Variants in ZNF569 observed in about 807,000 individuals in gnomAD.
ZNF569 encodes DNA-binding protein.
ZNF569 carries 38 observed loss-of-function variants against 56.3 expected under a neutral mutation model. The observed-to-expected ratio is 0.68, with a 90% CI of 0.52 to 0.88. The LOEUF (loss-of-function observed/expected upper bound fraction) is 0.88. Among genes scored for constraint, ZNF569 ranks in the 40% least tolerant of loss-of-function variants. ZNF569 has a pLI of 0.00. For missense variants in ZNF569, 666 were observed against 809.2 expected, an observed-to-expected ratio of 0.82 and a Z score of 2.15; for synonymous variants, 241 against 262.9, an observed-to-expected ratio of 0.92 and a Z score of 0.81.
chr19:37,446,853 A>C (rs937085864), intron 2 of ZNF569, among the ~76,000 whole-genome samples: 2 of 152,210 alleles, frequency 1.3e-5, no homozygotes, highest in Admixed American at 6.5e-5. Flanking sequence ...TTCACAATCT[A>C]TACATCCAAA....
At chr19:37,450,127 GTC>G (rs1381074585) in intron 2 of ZNF569, among the ~76,000 whole-genome samples, 1 of 152,186 alleles carries the variant, frequency 6.6e-6, no homozygotes, top group Non-Finnish European at 1.5e-5. Context: ...GTTTTCTTGT[GTC>G]TCTGTCTTGC....
intron 2 of ZNF569, among the ~76,000 whole-genome samples, chr19:37,456,544 C>CT (rs1356522829): frequency 6.6e-6 from 1 of 152,148 alleles, no homozygotes; most frequent in African/African-American, 2.4e-5. Context: ...ATTAAGAAAA[C>CT]TTTTTCTTTA....
At chr19:37,446,247 T>C (rs1293820453) in intron 2 of ZNF569, among the ~76,000 whole-genome samples, 1 of 152,010 alleles carries the variant, frequency 6.6e-6, no homozygotes, top group African/African-American at 2.4e-5. Context: ...TGGCAAGCCA[T>C]ATGTAGAAGA....
intron 2 of ZNF569, among the ~76,000 whole-genome samples, chr19:37,460,425 G>A (rs916122105): frequency 4.6e-5 from 7 of 151,980 alleles, no homozygotes; most frequent in Non-Finnish European, 1.0e-4. Context: ...TTACACGCAT[G>A]AGCCACCACG....
At chr19:37,418,308 C>T (rs966859706) in intron 5 of ZNF569, among the ~76,000 whole-genome samples, 3 of 151,558 alleles carry the variant, frequency 2.0e-5, no homozygotes, top group Non-Finnish European at 4.4e-5. Flanking sequence ...TGTATAGGGG[C>T]AAATATAGTG....
chr19:37,457,005 A>G (rs1968251), intron 2 of ZNF569, among the ~76,000 whole-genome samples: 97,340 of 150,306 alleles, frequency 0.65, 33,454 homozygotes, highest in African/African-American at 0.89. Context: ...CACAAAACTC[A>G]AACTACAAAA....
chr19:37,418,137 A>AATAAT (rs2040968361), intron 5 of ZNF569, among the ~76,000 whole-genome samples: 1 of 134,716 alleles, frequency 7.4e-6, no homozygotes, highest in African/African-American at 3.2e-5. Flanking sequence ...ATAATAATAA[A>AATAAT]ATAAAGTTCT....
intron 3 of ZNF569, among the ~76,000 whole-genome samples, chr19:37,428,058 T>C (rs2041164277): frequency 6.6e-6 from 1 of 152,016 alleles, no homozygotes; most frequent in African/African-American, 2.4e-5. Context: ...TACAAGAAAA[T>C]CCTAATTGCC....
chr19:37,451,046 TATGGAGAAATGTCC>T (rs1345114498), intron 2 of ZNF569, among the ~76,000 whole-genome samples: 1 of 152,200 alleles, frequency 6.6e-6, no homozygotes, highest in Non-Finnish European at 1.5e-5. Flanking sequence ...TATGATGCAT[TATGGAGAAATGTCC>T]ATGTGTACTG....
In ZNF569 at chr19:37,413,014, CT is replaced by C; in HGVS notation, c.1643del (p.Lys548SerfsTer22). On this transcript the variant is annotated frameshift_variant, in exon 6 of 6. Coordinates refer to ENST00000316950, the MANE Select transcript of ZNF569 (RefSeq NM_152484.3). LOFTEE classifies it high-confidence loss of function. ...TLHLRSHTGE[K>X]PYECDKCGKA... Reference sequence around the variant, plus strand: ...TACCACATTTATCACATTCATAAGGCTTTTCCCCTGTATGACTTCTCAAATG... The same window carrying C: ...TACCACATTTATCACATTCATAAGGCTTTCCCCTGTATGACTTCTCAAATG... 2 of 1,613,458 alleles carry C rather than the reference CT, an allele frequency of 1.2e-6. No individual in the cohort carries two copies. Among genetic ancestry groups the C allele is most frequent in the Non-Finnish European group, 1.7e-6 (2 of 1,179,794 alleles).
At chr19:37,455,148 C>T (rs560523701) in intron 2 of ZNF569, 2 of 354,238 alleles carry the variant, frequency 5.6e-6, no homozygotes, top group African/African-American at 4.2e-5. Context: ...TCATGGGGCT[C>T]AAAAATACCT....
chr19:37,436,269 T>C (rs1222880750), intron 3 of ZNF569, among the ~76,000 whole-genome samples: 1 of 151,820 alleles, frequency 6.6e-6, no homozygotes, highest in Non-Finnish European at 1.5e-5. Context: ...AAGAAGAAAA[T>C]TTAAAAGTTT....
intron 1 of ZNF569, chr19:37,466,681 A>C (rs953241023): frequency 2.0e-5 from 3 of 152,274 alleles, no homozygotes; most frequent in African/African-American, 7.2e-5. Context: ...AGCTAAAGAC[A>C]TGCAGCGCTG....
chr19:37,413,060 T>G lies in ZNF569; in HGVS notation c.1598A>C (p.Gln533Pro). 6.2e-7 allele frequency: 1 copy of G among 1,614,016 alleles called. No homozygotes were observed. Among genetic ancestry groups the G allele is most frequent in the Non-Finnish European group, 8.5e-7 (1 of 1,179,930 alleles). ...DCNECGKAFS[Q>P]IASLTLHLRS... ...CAAATGAAGGGTAAGGGATGCAATT[T>G]GAGAGAAGGCTTTACCACATTCATT... The change falls in exon 6 of 6, where the codon CAA (glutamine) becomes CCA (proline). Residue 533 changes from glutamine to proline, a missense_variant. Transcript: ENST00000316950.
chr19:37,460,225 T>G (rs1259343839), intron 2 of ZNF569, among the ~76,000 whole-genome samples: 1 of 152,118 alleles, frequency 6.6e-6, no homozygotes, highest in East Asian at 1.9e-4. Flanking sequence ...CTTGGCTGAC[T>G]GCAATCTCTG....
In ZNF569 at chr19:37,414,185, C is replaced by A; in HGVS notation, c.473G>T (p.Cys158Phe). The change falls in exon 6 of 6, where the codon TGC (cysteine) becomes TTC (phenylalanine). Residue 158 changes from cysteine (C) to phenylalanine (F), a missense_variant. Cys to Phe is a radical substitution (Grantham distance 205). Transcript: ENST00000316950. Reference sequence around the variant, plus strand: ...TTCACAATGCTCCTTTCTCATAAGGCATTTCACATTATTATGACAGTCAAA... The same window carrying A: ...TTCACAATGCTCCTTTCTCATAAGGAATTTCACATTATTATGACAGTCAAA... ...HNFDCHNNVKCLMRKEHCEYN... is the reference protein window; with the variant it reads ...HNFDCHNNVKFLMRKEHCEYN... 3 of 1,613,148 alleles carry A rather than the reference C, an allele frequency of 1.9e-6. No homozygotes were observed. The highest frequency in any genetic ancestry group is 2.5e-6 in the Non-Finnish European group (3 of 1,179,610).
chr19:37,461,889 A>G (rs1273355328), intron 2 of ZNF569, among the ~76,000 whole-genome samples: 3 of 152,232 alleles, frequency 2.0e-5, no homozygotes, highest in African/African-American at 7.2e-5. Context: ...TCTGGCTGCA[A>G]CTATGCGGAT....
At chr19:37,442,899 G>A (rs2041429530) in intron 3 of ZNF569, among the ~76,000 whole-genome samples, 1 of 152,164 alleles carries the variant, frequency 6.6e-6, no homozygotes. Context: ...CTGGGGTGGG[G>A]GTGATGACTA....
At chr19:37,442,764 C>G (rs1419710821) in intron 3 of ZNF569, among the ~76,000 whole-genome samples, 1 of 152,066 alleles carries the variant, frequency 6.6e-6, no homozygotes, top group African/African-American at 2.4e-5. Context: ...CAACTAGATG[C>G]ACCAATTTAA....
Sources: allele counts gnomAD v4.1 joint callset (sites outside exome capture counted in the v4.1 genomes callset), GRCh38; gene constraint gnomAD v4.1.1; transcripts MANE v1.5; gene names NCBI Gene and HGNC (gene_info 2026-07-23, HGNC 2026-07-21).